SRGAP1: variants seen among roughly 807,000 people sequenced by gnomAD.
SRGAP1 encodes the protein SLIT-ROBO Rho GTPase-activating protein 1.
SRGAP1 carries 43 observed loss-of-function variants against 121.9 expected under a neutral mutation model. That is an observed-to-expected ratio of 0.35 (90% CI 0.28 to 0.46). SRGAP1 has a LOEUF of 0.46. SRGAP1 is among the 20% of genes least tolerant of loss of function. The pLI, the probability that SRGAP1 is intolerant of heterozygous loss-of-function variation, is 1.00. For synonymous variants in SRGAP1, 447 were observed against 485.4 expected, an observed-to-expected ratio of 0.92 and a Z score of 1.04; for missense variants, 1,102 against 1,350.9, an observed-to-expected ratio of 0.82 and a Z score of 2.89.
intron 1 of SRGAP1, among the ~76,000 whole-genome samples, chr12:63,962,993 T>G (rs891631379): frequency 9.2e-5 from 14 of 152,250 alleles, no homozygotes; most frequent in Admixed American, 5.2e-4. Flanking sequence ...TGTTACCTGT[T>G]TCTTTTACTT....
chr12:63,912,746 A>G (rs1592939937), intron 1 of SRGAP1, among the ~76,000 whole-genome samples: 1 of 152,340 alleles, frequency 6.6e-6, no homozygotes, highest in East Asian at 1.9e-4. Flanking sequence ...GTTGTTTCCC[A>G]TCTGAAAACT....
At chr12:63,864,433 T>C (rs1658468910) in intron 1 of SRGAP1, among the ~76,000 whole-genome samples, 2 of 152,192 alleles carry the variant, frequency 1.3e-5, no homozygotes. Context: ...TGTAACCTAG[T>C]AGTTTATAGC....
intron 1 of SRGAP1, among the ~76,000 whole-genome samples, chr12:63,865,604 G>C (rs898006868): frequency 6.6e-6 from 1 of 152,228 alleles, no homozygotes; most frequent in Non-Finnish European, 1.5e-5. Flanking sequence ...GTGGCAGTCT[G>C]TTGGCGAGAG....
rs187405383 is a variant in SRGAP1 at position 63,906,009 on chromosome 12, A to G, written c.67+61126A>G. On this transcript the variant is annotated intron_variant, in intron 1 of 21. Transcript: ENST00000355086. ...GGTGTAAAATATTTTCATTACCCCT[A>G]AAAGTTGGCCCCCTCATCTTTATAT... is the stretch of plus-strand genomic sequence containing the variant. Among the ~76,000 whole-genome samples the G allele has an allele frequency of 1.1e-4, 16 of 152,294 alleles. No individual in the cohort carries two copies. The East Asian group carries it at 3.1e-3, about 29-fold the overall frequency.
At chr12:64,068,764 C>G (rs1410496062) in intron 8 of SRGAP1, among the ~76,000 whole-genome samples, 1 of 151,702 alleles carries the variant, frequency 6.6e-6, no homozygotes, top group African/African-American at 2.4e-5. Flanking sequence ...AATCCCAGCA[C>G]TTTGGGAGGC....
chr12:63,893,872 T>C (rs377610179), intron 1 of SRGAP1, among the ~76,000 whole-genome samples: 1 of 152,262 alleles, frequency 6.6e-6, no homozygotes, highest in African/African-American at 2.4e-5. Flanking sequence ...AGAGTCTTGC[T>C]CTGTTGCCCA....
At chr12:63,870,663 C>CTGAG (rs1221269700) in intron 1 of SRGAP1, among the ~76,000 whole-genome samples, 2 of 151,768 alleles carry the variant, frequency 1.3e-5, no homozygotes, top group African/African-American at 2.4e-5. Context: ...CGTCAACCTC[C>CTGAG]TGAGTAGCTG....
intron 6 of SRGAP1, among the ~76,000 whole-genome samples, chr12:64,061,044 T>C (rs533845723): frequency 6.6e-6 from 1 of 152,318 alleles, no homozygotes; most frequent in Non-Finnish European, 1.5e-5. Context: ...CTTTAAGTGA[T>C]TTATACTGCT....
intron 6 of SRGAP1, among the ~76,000 whole-genome samples, chr12:64,058,387 G>A (rs529253042): frequency 6.6e-6 from 1 of 152,164 alleles, no homozygotes; most frequent in Non-Finnish European, 1.5e-5. Flanking sequence ...AGGAGCGTCT[G>A]TACTTGGATT....
intron 2 of SRGAP1, among the ~76,000 whole-genome samples, chr12:63,987,076 T>C (rs560623669): frequency 1.3e-5 from 2 of 152,338 alleles, no homozygotes; most frequent in South Asian, 2.1e-4. Context: ...TCCTAACTTG[T>C]AAAATGAGGT....
At chr12:63,957,722 T>A (rs1356001433) in intron 1 of SRGAP1, among the ~76,000 whole-genome samples, 1 of 152,202 alleles carries the variant, frequency 6.6e-6, no homozygotes, top group African/African-American at 2.4e-5. Context: ...GAGGCAGGGC[T>A]GCAGTACCCG....
At position 63,949,468 on chromosome 12, in the gene SRGAP1, C is replaced by T. The variant is rs566616057; in HGVS notation, c.68-34479C>T. Among the ~76,000 whole-genome samples the T allele has an allele frequency of 1.4e-3, 208 of 149,032 alleles. 1 individual carries two copies. Among genetic ancestry groups the T allele is most frequent in the African/African-American group, 4.9e-3 (198 of 40,512 alleles). On this transcript the variant is annotated intron_variant, in intron 1 of 21. Transcript: ENST00000355086. ...TTTGAGACGGAACCTCGCTCTGTCA[C>T]CCAGGCTAGAGTGCAGTGGCGTGAT...
intron 11 of SRGAP1, among the ~76,000 whole-genome samples, chr12:64,090,218 G>A (rs1369301706): frequency 6.6e-6 from 1 of 152,098 alleles, no homozygotes. Context: ...GCAGTCACAG[G>A]GCAAGATGTC....
In SRGAP1 at chr12:63,919,499, C is replaced by CATATATATATAT. The variant is rs10570691; in HGVS notation, c.68-64436_68-64425dup. Among the ~76,000 whole-genome samples the CATATATATATAT allele has an allele frequency of 4.2e-3, 561 of 133,870 alleles. 8 individuals are homozygous for CATATATATATAT. Among genetic ancestry groups the CATATATATATAT allele is most frequent in the African/African-American group, 0.015 (489 of 32,338 alleles). 87.8% of individuals were successfully genotyped at this position (133,870 alleles called of 152,430 possible). On this transcript the variant is annotated intron_variant, in intron 1 of 21. Coordinates refer to ENST00000355086, the MANE Select transcript of SRGAP1 (RefSeq NM_020762.4). The stretch of plus-strand genomic sequence containing the variant: ...TTTTAATTGTTTTAACTTAACATTA[C>CATATATATATAT]ATATATATATATATATATATATACA...
At chr12:63,982,568 T>A (rs2033284038) in intron 1 of SRGAP1, 1 of 152,230 alleles carries the variant, frequency 6.6e-6, no homozygotes, top group South Asian at 2.1e-4. Context: ...AGTGTATGTA[T>A]GTATATATTA....
chr12:64,089,945 T>C (rs148656559), intron 11 of SRGAP1, among the ~76,000 whole-genome samples: 1 of 152,348 alleles, frequency 6.6e-6, no homozygotes, highest in Non-Finnish European at 1.5e-5. Flanking sequence ...GAACCAGACT[T>C]TCTGAACTTA....
At chr12:63,859,747 C>T (rs1316287591) in intron 1 of SRGAP1, among the ~76,000 whole-genome samples, 1 of 152,108 alleles carries the variant, frequency 6.6e-6, no homozygotes, top group Admixed American at 6.6e-5. Context: ...CTCTTTTTAA[C>T]ATCAGCATGA....
intron 3 of SRGAP1, among the ~76,000 whole-genome samples, chr12:64,015,211 C>T (rs1593044177): frequency 6.6e-6 from 1 of 152,146 alleles, no homozygotes; most frequent in East Asian, 1.9e-4. Context: ...AAATTGTTGG[C>T]CCAGATCCTT....
At chr12:64,095,050 A>G in intron 13 of SRGAP1, 58 bp downstream of exon 13, 8 of 1,609,886 alleles carry the variant, frequency 5.0e-6, no homozygotes, top group Non-Finnish European at 6.0e-6. Flanking sequence ...GTGTTTCAGT[A>G]AATTTACTTC....
Sources: gnomAD v4.1 joint callset for allele counts (sites outside exome capture counted in the v4.1 genomes callset) on GRCh38, gnomAD v4.1.1 for gene constraint, MANE v1.5 for transcripts, NCBI Gene and HGNC (gene_info 2026-07-23, HGNC 2026-07-21) for gene names.